Variants in NEGR1 observed in about 807,000 individuals in gnomAD.
NEGR1 encodes the protein neuronal growth regulator 1, also known as IgLON family member 4.
Under a neutral mutation model 40.9 loss-of-function variants are expected in NEGR1, and 10 were observed. That is an observed-to-expected ratio of 0.24 (90% confidence interval 0.15 to 0.42). The LOEUF (loss-of-function observed/expected upper bound fraction) is 0.42, where lower values mean the gene tolerates loss of function less well. Ranked by LOEUF, NEGR1 falls within the 10% of genes least tolerant of loss-of-function variation. The pLI is 1.00. For synonymous variants in NEGR1, 185 were observed against 166.8 expected (o/e 1.11, Z -0.84); for missense variants, 352 against 438.9 (o/e 0.80, Z 1.77).
At chr1:72,088,343 G>T (rs1214412108) in intron 1 of NEGR1, among the ~76,000 whole-genome samples, 1 of 152,088 alleles carries the variant, frequency 6.6e-6, no homozygotes, top group Non-Finnish European at 1.5e-5. Flanking sequence ...GGTTCAAGAA[G>T]ATCTACAGGT....
At chr1:71,829,111 T>A (rs995017986) in intron 2 of NEGR1, among the ~76,000 whole-genome samples, 2 of 152,022 alleles carry the variant, frequency 1.3e-5, no homozygotes, top group African/African-American at 2.4e-5. Context: ...TGTGATTTTT[T>A]AATAGTTCCT....
At chr1:71,858,239 T>C (rs1344680517) in intron 2 of NEGR1, among the ~76,000 whole-genome samples, 3 of 151,904 alleles carry the variant, frequency 2.0e-5, no homozygotes, top group African/African-American at 7.2e-5. Context: ...CAGTGAAATA[T>C]GCTGTTCTCA....
chr1:71,787,890 T>C (rs1396314171), intron 2 of NEGR1, among the ~76,000 whole-genome samples: 1 of 152,186 alleles, frequency 6.6e-6, no homozygotes, highest in East Asian at 1.9e-4. Context: ...ATTTTCACAT[T>C]ACGTTGTTTG....
At chr1:71,975,349 T>C (rs745551655) in intron 1 of NEGR1, among the ~76,000 whole-genome samples, 1 of 152,178 alleles carries the variant, frequency 6.6e-6, no homozygotes, top group African/African-American at 2.4e-5. Context: ...AAAGTGTTTC[T>C]AATATACCAA....
chr1:71,422,190 A>G (rs1646399060), intron 6 of NEGR1, among the ~76,000 whole-genome samples: 1 of 152,170 alleles, frequency 6.6e-6, no homozygotes, highest in South Asian at 2.1e-4. Context: ...ATTAAGCCAC[A>G]TTCTTGTTTA....
At chr1:71,867,724 T>G (rs1207695640) in intron 2 of NEGR1, among the ~76,000 whole-genome samples, 4 of 152,188 alleles carry the variant, frequency 2.6e-5, no homozygotes, top group African/African-American at 9.6e-5. Context: ...ATGTTTATTA[T>G]TAATTAACTG....
intron 3 of NEGR1, among the ~76,000 whole-genome samples, chr1:71,747,443 C>A (rs891145754): frequency 7.3e-6 from 1 of 136,636 alleles, no homozygotes; most frequent in Non-Finnish European, 1.6e-5. Context: ...TTTTTTTTTT[C>A]AGACAGAGTC....
At chr1:72,216,384 C>CAT (rs56819538) in intron 1 of NEGR1, among the ~76,000 whole-genome samples, 2,648 of 129,220 alleles carry the variant, frequency 0.02, 41 homozygotes, top group East Asian at 0.057. Context: ...TATATATATA[C>CAT]ATATATATAT....
chr1:72,039,284 T>C (rs1431422740), intron 1 of NEGR1, among the ~76,000 whole-genome samples: 4 of 151,996 alleles, frequency 2.6e-5, no homozygotes, highest in Non-Finnish European at 4.4e-5. Flanking sequence ...TGGGAAGCCA[T>C]TGAAATTTCT....
intron 4 of NEGR1, among the ~76,000 whole-genome samples, chr1:71,635,772 G>A (rs918701067): frequency 1.3e-5 from 2 of 151,990 alleles, no homozygotes; most frequent in Non-Finnish European, 2.9e-5. Context: ...AAGCTAGCCT[G>A]GGGTTATGAA....
chr1:72,186,555 C>G (rs558489594), intron 1 of NEGR1, among the ~76,000 whole-genome samples: 109 of 151,582 alleles, frequency 7.2e-4, no homozygotes, highest in Admixed American at 1.9e-3. Flanking sequence ...AGATATAAAA[C>G]AGAAAAGCTG....
At chr1:72,171,896 C>G (rs993037482) in intron 1 of NEGR1, among the ~76,000 whole-genome samples, 1 of 152,022 alleles carries the variant, frequency 6.6e-6, no homozygotes, top group Non-Finnish European at 1.5e-5. Context: ...TTTCTCAGGT[C>G]ATTAAACAGT....
intron 5 of NEGR1, among the ~76,000 whole-genome samples, chr1:71,601,658 C>A (rs1231180130): frequency 1.3e-5 from 2 of 152,110 alleles, no homozygotes; most frequent in African/African-American, 2.4e-5. Flanking sequence ...TCCTTTGCAG[C>A]AACATGGATG....
At chr1:71,822,338 C>T (rs1814054) in intron 2 of NEGR1, among the ~76,000 whole-genome samples, 33,036 of 151,866 alleles carry the variant, frequency 0.22, 4,527 homozygotes, top group East Asian at 0.52. Flanking sequence ...TACTATAGAA[C>T]ACCTGCAATG....
At chr1:71,744,814 T>C (rs1020482375) in intron 3 of NEGR1, among the ~76,000 whole-genome samples, 1 of 152,222 alleles carries the variant, frequency 6.6e-6, no homozygotes, top group African/African-American at 2.4e-5. Flanking sequence ...TACTGCACTT[T>C]ATGCAAATAA....
rs1474514326 is a variant in NEGR1 at position 71,438,068 on chromosome 1, A to G, written c.941-30498T>C. Among the ~76,000 whole-genome samples the G allele has an allele frequency of 2.6e-5, 4 of 152,222 alleles. No individual in the cohort carries two copies. The South Asian group carries it at 8.3e-4, about 32-fold the overall frequency. On this transcript the variant is annotated intron_variant, in intron 6 of 6. Coordinates refer to ENST00000357731, the MANE Select transcript of NEGR1 (RefSeq NM_173808.3). ...CAGCTGCTGATCTATGGTTTAAACC[A>G]GTTACCTGCCAAATTACAACGCTTG...
rs537028810 is a variant in NEGR1 at position 71,437,673 on chromosome 1, C to T, written c.941-30103G>A. Among the ~76,000 whole-genome samples the T allele has an allele frequency of 9.2e-5, 14 of 152,040 alleles. No homozygotes were observed. The South Asian group carries it at 2.7e-3, about 29-fold the overall frequency. Reference sequence around the variant, plus strand: ...TTCTTTACTTGGAAAAATGTGAGTGCGGAAGAGGTCAGGTTAAGCATGAGA... The same window carrying T: ...TTCTTTACTTGGAAAAATGTGAGTGTGGAAGAGGTCAGGTTAAGCATGAGA... On this transcript the variant is annotated intron_variant, in intron 6 of 6. Transcript: ENST00000357731.
At chr1:71,886,055 G>A (rs1201938776) in intron 2 of NEGR1, among the ~76,000 whole-genome samples, 2 of 152,018 alleles carry the variant, frequency 1.3e-5, no homozygotes, top group Admixed American at 1.3e-4. Context: ...TGCACTTCTG[G>A]GAAAAGACTA....
intron 1 of NEGR1, among the ~76,000 whole-genome samples, chr1:72,105,544 G>GTAAA (rs57077521): frequency 0.053 from 7,991 of 151,074 alleles, 325 homozygotes; most frequent in African/African-American, 0.11. Context: ...TCTCTCCACA[G>GTAAA]TAAATAAATA....
Sources: gnomAD v4.1 joint callset for allele counts (sites outside exome capture counted in the v4.1 genomes callset) on GRCh38, gnomAD v4.1.1 for gene constraint, MANE v1.5 for transcripts, NCBI Gene and HGNC (gene_info 2026-07-23, HGNC 2026-07-21) for gene names.